The following DMXL2 variants were observed in gnomAD, a reference collection of about 807,000 sequenced individuals.
The protein encoded by DMXL2 is Dmx like 2.
A neutral mutation model predicts 331.1 loss-of-function variants in DMXL2; 103 were observed. The ratio of observed to expected loss-of-function variants is 0.31; its 90% confidence interval spans 0.27 to 0.37. The LOEUF (loss-of-function observed/expected upper bound fraction) is 0.37. Among genes scored for constraint, DMXL2 ranks in the 10% least tolerant of loss-of-function variants. DMXL2 has a pLI of 1.00. For missense variants in DMXL2, 3,171 were observed against 3,642.9 expected (o/e 0.87, Z 3.33); for synonymous variants, 1,281 against 1,252.1 (o/e 1.02, Z -0.49).
At chr15:51,621,012 T>A (rs2054590303) in intron 1 of DMXL2, among the ~76,000 whole-genome samples, 1 of 152,208 alleles carries the variant, frequency 6.6e-6, no homozygotes, top group South Asian at 2.1e-4. Flanking sequence ...CTTTGTTTCT[T>A]GATGAAAGAG....
intron 41 of DMXL2, 42 bp downstream of exon 41, chr15:51,453,508 T>C (rs970147396): frequency 6.8e-7 from 1 of 1,467,666 alleles, no homozygotes; most frequent in Non-Finnish European, 9.4e-7. Context: ...TATGGATTTC[T>C]AACGTTTTTA....
rs374085536 is a variant in DMXL2, at chr15:51,471,340, G to A, written c.7275C>T (p.Leu2425=). 66 of 1,613,848 alleles carry A rather than the reference G, an allele frequency of 4.1e-5. No individual in the cohort carries two copies. In the African/African-American group the frequency reaches 6.3e-4, roughly 15 times the overall value. The change falls in exon 29 of 44, where the codon CTC becomes CTT. Residue 2425 remains leucine, a synonymous_variant. Coordinates refer to ENST00000560891, the MANE Select transcript of DMXL2 (RefSeq NM_001378457.1). ...CATCTTTTACAGGCCTTCCAGGGAC[G>A]AGCATTCTCATGTTAAATCTCCTAC... ...KHRRRFNMRM[L]VPGRPVKDAT...
chr15:51,566,059 A>AT (rs1004556398), intron 3 of DMXL2, among the ~76,000 whole-genome samples: 1 of 152,146 alleles, frequency 6.6e-6, no homozygotes, highest in African/African-American at 2.4e-5. Context: ...AACTTTAAAA[A>AT]TTAGCTGGGC....
intron 2 of DMXL2, among the ~76,000 whole-genome samples, chr15:51,572,030 A>G (rs1157178391): frequency 1.3e-5 from 2 of 152,218 alleles, no homozygotes; most frequent in Admixed American, 6.5e-5. Flanking sequence ...CAAAATACAT[A>G]GACCACTAGC....
At chr15:51,586,205 G>C (rs1366449250) in intron 1 of DMXL2, among the ~76,000 whole-genome samples, 2 of 152,130 alleles carry the variant, frequency 1.3e-5, no homozygotes, top group East Asian at 3.9e-4. Flanking sequence ...GGAAATGTTG[G>C]AAATAACCTA....
intron 15 of DMXL2, among the ~76,000 whole-genome samples, chr15:51,513,388 T>G (rs2046865798): frequency 1.3e-5 from 2 of 152,208 alleles, no homozygotes; most frequent in African/African-American, 4.8e-5. Context: ...GGTAAAGCAG[T>G]ACTGCTGTTA....
intron 1 of DMXL2, among the ~76,000 whole-genome samples, chr15:51,617,009 A>T (rs1462753725): frequency 6.6e-6 from 1 of 150,462 alleles, no homozygotes; most frequent in Non-Finnish European, 1.5e-5. Flanking sequence ...GATATTCTAT[A>T]TTATATCCCA....
chr15:51,554,364 G>GTATT lies in DMXL2; in HGVS notation c.568-6960_568-6957dup, dbSNP rs1226392468. ...TCAGTCAAATTTTAGGAGTAATGGG[G>GTATT]TATTTGTTTTTAAAGATCCAAAGTT... On this transcript the variant is annotated intron_variant, in intron 6 of 43. Transcript: ENST00000560891. 3.3e-5 allele frequency among the ~76,000 whole-genome samples: 5 copies of GTATT among 152,284 alleles called. No homozygotes were observed. The East Asian group carries it at 9.6e-4, about 29-fold the overall frequency.
chr15:51,622,531 C>T lies in DMXL2; in HGVS notation c.15G>A (p.Gln5=), dbSNP rs564751024. The part of the protein sequence containing the change: MHLH[Q]VLTGAVNPGD... The stretch of plus-strand genomic sequence containing the variant: ...CAGGGTTGACAGCTCCGGTGAGGAC[C>T]TGATGCAGATGCATCTCCGGAGCCC... Residue 5 remains glutamine (Q), a synonymous_variant, in exon 1 of 44, where the codon CAG becomes CAA. Transcript: ENST00000560891. The T allele has an allele frequency of 1.3e-5, 21 of 1,558,940 alleles. No individual in the cohort carries two copies. The South Asian group carries it at 2.4e-4, about 18-fold the overall frequency.
chr15:51,597,132 A>C (rs2052880554), intron 1 of DMXL2, among the ~76,000 whole-genome samples: 1 of 152,164 alleles, frequency 6.6e-6, no homozygotes, highest in South Asian at 2.1e-4. Context: ...ACCTCACAAA[A>C]CCCACTAAGA....
At chr15:51,564,291 G>A (rs1487527040) in intron 4 of DMXL2, 31 bp from the exon 5 acceptor site, 1 of 1,493,208 alleles carries the variant, frequency 6.7e-7, no homozygotes, top group Non-Finnish European at 9.0e-7. Flanking sequence ...TGATGAATAT[G>A]CAAATATTAT....
chr15:51,499,425 C>T lies in DMXL2; in HGVS notation c.3799G>A (p.Glu1267Lys). ...DGILVVGMDC[E>K]MHVYAQWKHA... is the part of the protein sequence containing the mutation. ...TTCCACTGTGCATATACATGCATTT[C>T]ACAATCCATTCCTACCACCAATATC... The change falls in exon 18 of 44, where the codon GAA becomes AAA. Residue 1267 changes from glutamate to lysine, a missense_variant. Physicochemically the swap from Glu to Lys is moderately conservative, Grantham distance 56. Around this residue, in one of 7 missense-constraint regions of DMXL2, gnomAD observed 1,674 missense variants for 1,780.2 expected, o/e 0.94. Transcript: ENST00000560891. The T allele has an allele frequency of 6.2e-7, 1 of 1,613,972 alleles. No homozygotes were observed. The highest frequency in any genetic ancestry group is 8.5e-7 in the Non-Finnish European group (1 of 1,180,024).
intron 1 of DMXL2, among the ~76,000 whole-genome samples, chr15:51,618,627 T>A (rs1177152577): frequency 5.3e-5 from 8 of 152,214 alleles, no homozygotes; most frequent in African/African-American, 1.9e-4. Flanking sequence ...TTGCATATTA[T>A]ATTTTTTCAA....
intron 1 of DMXL2, among the ~76,000 whole-genome samples, chr15:51,617,758 T>C (rs561552228): frequency 4.6e-5 from 7 of 152,340 alleles, no homozygotes; most frequent in Admixed American, 4.6e-4. Flanking sequence ...GTTTAAGTGA[T>C]TTCACCAACA....
intron 3 of DMXL2, 123 bp downstream of exon 3, chr15:51,568,364 C>A (rs1171163321): frequency 3.2e-6 from 2 of 617,478 alleles, no homozygotes; most frequent in Admixed American, 7.5e-5. Context: ...AGCACTAGAC[C>A]AATTTTTCAC....
At chr15:51,532,476 G>C (rs2048058460) in intron 13 of DMXL2, among the ~76,000 whole-genome samples, 1 of 152,118 alleles carries the variant, frequency 6.6e-6, no homozygotes, top group South Asian at 2.1e-4. Flanking sequence ...TAGCACAACA[G>C]GGTGACTATA....
At chr15:51,551,643 A>G (rs1488843500) in intron 6 of DMXL2, among the ~76,000 whole-genome samples, 2 of 152,166 alleles carry the variant, frequency 1.3e-5, no homozygotes, top group African/African-American at 4.8e-5. Flanking sequence ...ACTAATAGAT[A>G]ATGATGATGT....
At chr15:51,519,501 C>T (rs1374195176) in intron 13 of DMXL2, among the ~76,000 whole-genome samples, 2 of 152,022 alleles carry the variant, frequency 1.3e-5, no homozygotes, top group Non-Finnish European at 2.9e-5. Context: ...TCACATATTA[C>T]TTTAAGTTTA....
intron 19 of DMXL2, among the ~76,000 whole-genome samples, chr15:51,493,001 C>G (rs1455673529): frequency 6.6e-6 from 1 of 152,070 alleles, no homozygotes; most frequent in Non-Finnish European, 1.5e-5. Flanking sequence ...ACAATCTTAA[C>G]TCTTTTAAAT....
Sources: gnomAD v4.1 joint callset for allele counts (sites outside exome capture counted in the v4.1 genomes callset) on GRCh38, gnomAD v4.1.1 for gene constraint, gnomAD v4.1.1 regional missense constraint, MANE v1.5 for transcripts, NCBI Gene and HGNC (gene_info 2026-07-23, HGNC 2026-07-21) for gene names.